The following LGALS4 variants were observed in gnomAD, a reference collection of about 807,000 sequenced individuals.
LGALS4 encodes the protein galectin-4.
In LGALS4, 37 loss-of-function variants were observed where a neutral mutation model predicts 39.6. The observed-to-expected ratio is 0.93, with a 90% CI of 0.72 to 1.23. LGALS4 has a LOEUF of 1.23. Among genes scored for constraint, LGALS4 ranks in the 50% most tolerant of loss-of-function variants. LGALS4 has a pLI of 0.00. For synonymous variants in LGALS4, 160 were observed against 165.5 expected (o/e 0.97, Z 0.25); for missense variants, 397 against 433.2 (o/e 0.92, Z 0.74).
rs771079280 is a variant in LGALS4 at position 38,812,517 on chromosome 19, C to G, written c.48G>C (p.Thr16=). The G allele has an allele frequency of 5.6e-6, 9 of 1,613,934 alleles. No individual in the cohort carries two copies. The highest frequency in any genetic ancestry group is 6.8e-6 in the Non-Finnish European group (8 of 1,179,944). Residue 16 remains threonine, a splice_region_variant and synonymous_variant, in exon 2 of 10, where the codon ACG becomes ACC. Transcript: ENST00000307751. ...CCGGGATGGGCTGGTAGTAAGGCAGCGTCTGGAGAAGAGGCCTGGTGAGGG... is the reference window on the plus strand; with the variant it reads ...CCGGGATGGGCTGGTAGTAAGGCAGGGTCTGGAGAAGAGGCCTGGTGAGGG... ...APGYQPTYNP[T]LPYYQPIPGG...
At chr19:38,806,367 C>CA (rs74176466) in intron 4 of LGALS4, 94 bp downstream of exon 4, 389,239 of 1,224,102 alleles carry the variant, frequency 0.32, 33,787 homozygotes, top group African/African-American at 0.55. Flanking sequence ...GACTCCGTCT[C>CA]AAAAAAAAAA....
chr19:38,809,643 G>C (rs1653404951), intron 2 of LGALS4, among the ~76,000 whole-genome samples: 2 of 127,078 alleles, frequency 1.6e-5, no homozygotes, highest in Admixed American at 1.7e-4. Flanking sequence ...ACTATGCCTG[G>C]CTTTTTTTTT....
chr19:38,808,589 A>C (rs1325809488), intron 3 of LGALS4, among the ~76,000 whole-genome samples, 155 bp downstream of exon 3: 1 of 148,160 alleles, frequency 6.7e-6, no homozygotes, highest in African/African-American at 2.5e-5. Flanking sequence ...ATGCCACTGC[A>C]CTCCAGCCTG....
At chr19:38,811,179 G>A (rs1195371396) in intron 2 of LGALS4, among the ~76,000 whole-genome samples, 1 of 152,138 alleles carries the variant, frequency 6.6e-6, no homozygotes, top group Non-Finnish European at 1.5e-5. Flanking sequence ...GGGATTACAG[G>A]CCTGAGCTAC....
At chr19:38,811,387 C>G (rs1971492170) in intron 2 of LGALS4, among the ~76,000 whole-genome samples, 1 of 151,332 alleles carries the variant, frequency 6.6e-6, no homozygotes, top group Non-Finnish European at 1.5e-5. Context: ...CCTCCCAGCA[C>G]TTTAGGAGGC....
chr19:38,805,419 A>T (rs1599993419), intron 4 of LGALS4, among the ~76,000 whole-genome samples: 1 of 150,872 alleles, frequency 6.6e-6, no homozygotes, highest in African/African-American at 2.4e-5. Flanking sequence ...CCTCCTGTAT[A>T]CTCCATATCC....
Position 38,808,889 on chromosome 19 carries a change from T to A in LGALS4, c.194A>T (p.Asn65Ile), listed in dbSNP as rs1219652018. The A allele has an allele frequency of 1.9e-6, 3 of 1,614,020 alleles. No individual in the cohort carries two copies. The highest frequency in any genetic ancestry group is 2.5e-6 in the Non-Finnish European group (3 of 1,180,034). Residue 65 changes from asparagine (N) to isoleucine (I), a missense_variant, in exon 3 of 10, where the codon AAT becomes ATT. Transcript: ENST00000307751. ...DPGSDVAFHF[N>I]PRFDGWDKVV... ...CTTGTCCCAGCCGTCAAACCGCGGATTGAAGTGGAAGGCGACGTCTGAGCC... is the reference window on the plus strand; with the variant it reads ...CTTGTCCCAGCCGTCAAACCGCGGAATGAAGTGGAAGGCGACGTCTGAGCC...
chr19:38,803,491 C>G, intron 7 of LGALS4, 31 bp downstream of exon 7: 2 of 1,612,012 alleles, frequency 1.2e-6, no homozygotes, highest in Admixed American at 1.7e-5. Context: ...GCCCCCTCCC[C>G]ACCATCCATC....
Position 38,808,687 on chromosome 19 carries a change from A to G in LGALS4, c.339+57T>C, listed in dbSNP as rs1213523817. The stretch of plus-strand genomic sequence containing the variant: ...GAAGGAAGGCGGGAAGGAAGGAAGC[A>G]GCCAAGATGGCGCCACTGCACTCCA... On this transcript the variant is annotated intron_variant, in intron 3 of 9. Transcript: ENST00000307751. 5 of 1,359,852 alleles carry G rather than the reference A, an allele frequency of 3.7e-6. No homozygotes were observed. In the East Asian group the frequency reaches 9.4e-5, roughly 25 times the overall value. 84.2% of individuals were successfully genotyped at this position (1,359,852 alleles called of 1,614,324 possible).
chr19:38,810,353 C>T (rs898729088), intron 2 of LGALS4, among the ~76,000 whole-genome samples: 14 of 131,394 alleles, frequency 1.1e-4, no homozygotes, highest in African/African-American at 4.2e-4. Flanking sequence ...TGAGATTTCG[C>T]CTTTTTTTTT....
At chr19:38,810,958 A>G (rs1448247278) in intron 2 of LGALS4, among the ~76,000 whole-genome samples, 2 of 146,788 alleles carry the variant, frequency 1.4e-5, no homozygotes, top group Non-Finnish European at 3.0e-5. Context: ...CTGTAGTGCA[A>G]TGGCACGATC....
At position 38,803,522 on chromosome 19, in the gene LGALS4, C is replaced by T. The variant is rs532044244; in HGVS notation, c.570G>A (p.Pro190=). The change falls in exon 7 of 10, where the codon CCG becomes CCA. Residue 190 remains proline, a splice_region_variant and synonymous_variant. Transcript: ENST00000307751. The part of the protein sequence containing the change: ...PTMEGPPTFN[P]PVPYFGRLQG... ...CCATCTCTGTTTCCCCAAGCCATAC[C>T]GGGTTGAAGGTTGGGGGTCCTTCCA... is the stretch of plus-strand genomic sequence containing the variant. The T allele has an allele frequency of 6.2e-6, 10 of 1,614,018 alleles. No homozygotes were observed. Among genetic ancestry groups the T allele is most frequent in the East Asian group, 4.5e-5 (2 of 44,880 alleles).
chr19:38,812,313 GAA>G, intron 2 of LGALS4, 116 bp downstream of exon 2: 1 of 811,380 alleles, frequency 1.2e-6, no homozygotes, highest in Non-Finnish European at 2.0e-6. Context: ...GGGTGGGGCA[GAA>G]AAAGAGTCCC....
In LGALS4 at chr19:38,811,051, G is replaced by A. The variant is rs1014533720; in HGVS notation, c.134+1380C>T. On this transcript the variant is annotated intron_variant, in intron 2 of 9. Transcript: ENST00000307751. ...TGAGTAGCTGGGATTACAGGCATGC[G>A]CCACCACGCCCTGGTAATTTTGTAT... Among the ~76,000 whole-genome samples the A allele has an allele frequency of 7.9e-5, 12 of 151,900 alleles. 1 individual carries two copies. In the Middle Eastern group the frequency reaches 0.014, roughly 172 times the overall value.
chr19:38,809,241 G>A (rs1054068227), intron 2 of LGALS4, among the ~76,000 whole-genome samples: 5 of 143,484 alleles, frequency 3.5e-5, no homozygotes, highest in East Asian at 4.4e-4. Context: ...TTGGAGTGCC[G>A]CGATCTCAGC....
At chr19:38,805,169 T>A (rs1243473090) in intron 4 of LGALS4, among the ~76,000 whole-genome samples, 7 of 64,250 alleles carry the variant, frequency 1.1e-4, no homozygotes, top group Admixed American at 3.7e-4. Flanking sequence ...GCCTCAAAAA[T>A]AATAATAATA....
At chr19:38,811,991 C>T (rs1971498630) in intron 2 of LGALS4, among the ~76,000 whole-genome samples, 1 of 149,436 alleles carries the variant, frequency 6.7e-6, no homozygotes, top group Non-Finnish European at 1.5e-5. Flanking sequence ...CCAGCCTGGG[C>T]GACAAGAGCA....
Position 38,812,433 on chromosome 19 carries a change from CT to C in LGALS4, c.131del (p.Lys44SerfsTer5), listed in dbSNP as rs765949906. 1.7e-5 allele frequency: 27 copies of C among 1,613,978 alleles called. No individual in the cohort carries two copies. In the South Asian group the frequency reaches 1.8e-4, roughly 11 times the overall value. On this transcript the variant is annotated frameshift_variant, in exon 2 of 10. Coordinates refer to ENST00000307751, the MANE Select transcript of LGALS4 (RefSeq NM_006149.4). LOFTEE classifies it high-confidence loss of function. ...YIQGVASEHMKRFFVNFVVGQ... is the reference protein window; with the variant it reads ...YIQGVASEHMXRFFVNFVVGQ... ...GCCTGGCTTGGGGAGGGTCTTACCG[CT>C]TCATGTGCTCGCTGGCCACTCCTTG...
chr19:38,806,650 C>CAA (rs1469292733), intron 3 of LGALS4, 55 bp from the exon 4 acceptor site: 2 of 1,599,330 alleles, frequency 1.3e-6, no homozygotes, highest in Non-Finnish European at 1.7e-6. Flanking sequence ...TGGGAAGGTA[C>CAA]AAACAGGAAG....
Sources: gnomAD v4.1 joint callset for allele counts (sites outside exome capture counted in the v4.1 genomes callset) on GRCh38, gnomAD v4.1.1 for gene constraint, MANE v1.5 for transcripts, NCBI Gene and HGNC (gene_info 2026-07-23, HGNC 2026-07-21) for gene names.